The following SLC25A26 variants were observed in gnomAD, a reference collection of about 807,000 sequenced individuals.
SLC25A26 encodes solute carrier family 25 member 26.
A neutral mutation model predicts 37.8 loss-of-function variants in SLC25A26; 36 were observed. The observed-to-expected ratio is 0.95, with a 90% CI of 0.73 to 1.26. The LOEUF is 1.26. SLC25A26 is among the 50% of genes most tolerant of loss of function. SLC25A26 has a pLI of 0.00. For missense variants in SLC25A26, 390 were observed against 331.1 expected (o/e 1.18, Z -1.38); for synonymous variants, 129 against 122.5 (o/e 1.05, Z -0.35).
intron 6 of SLC25A26, among the ~76,000 whole-genome samples, chr3:66,354,648 A>G (rs1474018006): frequency 6.6e-6 from 1 of 152,194 alleles, no homozygotes; most frequent in Non-Finnish European, 1.5e-5. Flanking sequence ...TTAGTAATAT[A>G]AACAAGAATT....
At chr3:66,139,965 C>T (rs1180411135) in intron 1 of SLC25A26, among the ~76,000 whole-genome samples, 1 of 152,122 alleles carries the variant, frequency 6.6e-6, no homozygotes, top group African/African-American at 2.4e-5. Flanking sequence ...TTGTAGGTGA[C>T]AAAAAACCCA....
intron 1 of SLC25A26, among the ~76,000 whole-genome samples, chr3:66,193,704 G>C: frequency 1.3e-5 from 2 of 151,950 alleles, no homozygotes. Flanking sequence ...AGAACTTTTA[G>C]ATGCTTTGCT....
intron 7 of SLC25A26, among the ~76,000 whole-genome samples, chr3:66,367,888 A>G (rs1192549799): frequency 6.6e-6 from 1 of 152,192 alleles, no homozygotes; most frequent in Non-Finnish European, 1.5e-5. Flanking sequence ...CAACCTCTGG[A>G]TAGGAGATGA....
At chr3:66,248,979 C>T (rs566559716) in intron 3 of SLC25A26, among the ~76,000 whole-genome samples, 1 of 152,212 alleles carries the variant, frequency 6.6e-6, no homozygotes, top group Non-Finnish European at 1.5e-5. Flanking sequence ...AACATCTGAA[C>T]TTACACCCCA....
At chr3:66,209,581 A>G (rs1297010716) in intron 1 of SLC25A26, among the ~76,000 whole-genome samples, 1 of 141,540 alleles carries the variant, frequency 7.1e-6, no homozygotes, top group East Asian at 2.1e-4. Context: ...GTATAAAAGT[A>G]TAGGCATATA....
At chr3:66,254,785 C>T (rs782671351) in intron 3 of SLC25A26, among the ~76,000 whole-genome samples, 1 of 152,210 alleles carries the variant, frequency 6.6e-6, no homozygotes, top group Non-Finnish European at 1.5e-5. Context: ...CTTCTAATAT[C>T]AGAGGAATAT....
At chr3:66,208,924 A>ATGTG (rs2071223599) in intron 1 of SLC25A26, among the ~76,000 whole-genome samples, 1 of 125,490 alleles carries the variant, frequency 8.0e-6, no homozygotes, top group Non-Finnish European at 1.6e-5. Context: ...ATGTGTATAT[A>ATGTG]TACATACACA....
intron 5 of SLC25A26, among the ~76,000 whole-genome samples, chr3:66,276,844 G>T (rs1401922493): frequency 2.0e-5 from 3 of 149,842 alleles, no homozygotes; most frequent in Admixed American, 1.3e-4. Context: ...CAACTTGTCA[G>T]TGCAAAACTG....
At chr3:66,350,826 C>T (rs981893230) in intron 6 of SLC25A26, among the ~76,000 whole-genome samples, 4 of 152,078 alleles carry the variant, frequency 2.6e-5, no homozygotes, top group African/African-American at 7.2e-5. Flanking sequence ...TCTCTGACTC[C>T]TTTCTGAAGT....
At chr3:66,274,596 GA>G (rs1248087965) in intron 5 of SLC25A26, among the ~76,000 whole-genome samples, 1 of 152,230 alleles carries the variant, frequency 6.6e-6, no homozygotes, top group Non-Finnish European at 1.5e-5. Context: ...CAAAGGATAT[GA>G]ACAGACACTT....
chr3:66,252,698 G>A (rs73833427), intron 3 of SLC25A26, among the ~76,000 whole-genome samples: 4 of 152,156 alleles, frequency 2.6e-5, no homozygotes, highest in East Asian at 1.9e-4. Context: ...AATGCGGCAC[G>A]TTTTTAGAAT....
intron 5 of SLC25A26, among the ~76,000 whole-genome samples, chr3:66,310,791 C>G (rs548612577): frequency 9.2e-4 from 140 of 152,262 alleles, no homozygotes; most frequent in African/African-American, 3.1e-3. Context: ...GTTGAAAGTT[C>G]TTTTCTTTAA....
In SLC25A26 at chr3:66,206,603, G is replaced by T. The variant is rs1201834127; in HGVS notation, c.-353-14139G>T. On this transcript the variant is annotated intron_variant, in intron 1 of 10. Coordinates refer to the SLC25A26 transcript ENST00000676754. ...GAAGGGTAGGTATTATTTTTTGGGA[G>T]AGTAAGTAAATTATTATAAAGCATT... Among the ~76,000 whole-genome samples the T allele has an allele frequency of 2.6e-5, 4 of 152,180 alleles. No individual in the cohort carries two copies. The East Asian group carries it at 7.7e-4, about 29-fold the overall frequency.
intron 1 of SLC25A26, among the ~76,000 whole-genome samples, chr3:66,167,928 C>G (rs541636146): frequency 3.3e-5 from 5 of 151,502 alleles, no homozygotes; most frequent in Non-Finnish European, 7.4e-5. Context: ...CCGAGGCGGG[C>G]GGATCACCTG....
At chr3:66,322,706 A>G (rs149316291) in intron 5 of SLC25A26, among the ~76,000 whole-genome samples, 1 of 152,360 alleles carries the variant, frequency 6.6e-6, no homozygotes, top group East Asian at 1.9e-4. Context: ...TTTTGTACAT[A>G]TGCCATGGCT....
At chr3:66,310,642 T>C (rs1287942677) in intron 5 of SLC25A26, among the ~76,000 whole-genome samples, 1 of 152,218 alleles carries the variant, frequency 6.6e-6, no homozygotes, top group Non-Finnish European at 1.5e-5. Context: ...GATTTTCCTT[T>C]CCATATTTAG....
intron 5 of SLC25A26, chr3:66,324,215 TGTGTGTGTG>T: frequency 6.7e-6 from 1 of 150,214 alleles, no homozygotes; most frequent in South Asian, 2.2e-4. Flanking sequence ...TGTGTGTGTG[TGTGTGTGTG>T]TGTGTAGTTT....
intron 1 of SLC25A26, among the ~76,000 whole-genome samples, chr3:66,183,017 G>T (rs1448135616): frequency 1.3e-5 from 2 of 151,950 alleles, no homozygotes; most frequent in East Asian, 3.9e-4. Context: ...GTTGGCTTTC[G>T]GTGCATATAA....
rs1156940603 is a variant in SLC25A26 at position 66,377,673 on chromosome 3, C to G, written c.708-17C>G. The G allele has an allele frequency of 6.3e-7, 1 of 1,592,284 alleles. No homozygotes were observed. Among genetic ancestry groups the G allele is most frequent in the Admixed American group, 1.7e-5 (1 of 59,828 alleles). ...TTAAAATACGCACAACATTAAAAATCCTGTTTTTTCCCCTAGATTATTTGC... is the reference window on the plus strand; with the variant it reads ...TTAAAATACGCACAACATTAAAAATGCTGTTTTTTCCCCTAGATTATTTGC... On this transcript the variant is annotated splice_polypyrimidine_tract_variant and intron_variant, in intron 9 of 9. Coordinates refer to ENST00000354883, the MANE Select transcript of SLC25A26 (RefSeq NM_001379210.1).
Sources: allele counts gnomAD v4.1 joint callset (sites outside exome capture counted in the v4.1 genomes callset), GRCh38; gene constraint gnomAD v4.1.1; transcripts MANE v1.5; gene names NCBI Gene and HGNC (gene_info 2026-07-23, HGNC 2026-07-21).